The following ABCA13 variants were observed in gnomAD, a reference collection of about 807,000 sequenced individuals.
The protein encoded by ABCA13 is ATP-binding cassette sub-family A member 13.
A neutral mutation model predicts 478.7 loss-of-function variants in ABCA13; 476 were observed. The observed-to-expected ratio is 0.99, with a 90% CI of 0.92 to 1.07. The LOEUF is 1.07. Ranked by LOEUF, ABCA13 falls within the 50% of genes least tolerant of loss-of-function variation. The pLI is 0.00. For synonymous variants in ABCA13, 2,252 were observed against 2,158.9 expected (o/e 1.04, Z -1.20); for missense variants, 6,060 against 5,910.6 (o/e 1.03, Z -0.83).
chr7:48,590,151 A>G (rs1027954221), intron 57 of ABCA13, among the ~76,000 whole-genome samples: 3 of 151,990 alleles, frequency 2.0e-5, no homozygotes, highest in African/African-American at 7.3e-5. Context: ...TTTCACTAAG[A>G]AGTAGTGTTT....
At chr7:48,615,471 T>TACTTGCC in intron 59 of ABCA13, 94 bp downstream of exon 59, 1 of 1,105,550 alleles carries the variant, frequency 9.0e-7, no homozygotes, top group Non-Finnish European at 1.3e-6. Flanking sequence ...GGCAAGTATG[T>TACTTGCC]TCCAATTACC....
chr7:48,263,701 G>A (rs529034980), intron 15 of ABCA13, among the ~76,000 whole-genome samples: 1 of 151,292 alleles, frequency 6.6e-6, no homozygotes, highest in South Asian at 2.1e-4. Context: ...AATTTGATAT[G>A]GAAGATTTTA....
rs759152159 is a variant in ABCA13 at position 48,403,874 on chromosome 7, G to A, written c.12065G>A (p.Arg4022Gln). Residue 4022 changes from arginine (R) to glutamine (Q), a missense_variant, in exon 39 of 62, where the codon CGA (arginine) becomes CAA (glutamine). Coordinates refer to ENST00000435803, the MANE Select transcript of ABCA13 (RefSeq NM_152701.5). ...HSLWDILLKY[R>Q]EGRTIIFTTH... ...CTGTGGGACATTCTGCTCAAGTACC[G>A]AGAAGGTAGGCACTGGGCCTCATTC... 7.4e-6 allele frequency: 12 copies of A among 1,612,548 alleles called. No individual in the cohort carries two copies. The South Asian group carries it at 9.9e-5, about 13-fold the overall frequency.
intron 1 of ABCA13, among the ~76,000 whole-genome samples, chr7:48,183,271 A>G (rs1380861445): frequency 6.6e-6 from 1 of 152,196 alleles, no homozygotes. Flanking sequence ...CACATACCGC[A>G]TGAGTCACTT....
At chr7:48,419,777 G>A (rs903400623) in intron 41 of ABCA13, among the ~76,000 whole-genome samples, 1 of 152,110 alleles carries the variant, frequency 6.6e-6, no homozygotes, top group African/African-American at 2.4e-5. Context: ...TAGATTTTAC[G>A]TATCTCTCTT....
chr7:48,561,286 T>G (rs1346430187), intron 55 of ABCA13, among the ~76,000 whole-genome samples: 1 of 152,088 alleles, frequency 6.6e-6, no homozygotes, highest in Admixed American at 6.6e-5. Flanking sequence ...GGTCAAATAA[T>G]ATTATATTTT....
intron 16 of ABCA13, among the ~76,000 whole-genome samples, chr7:48,271,042 C>A (rs1478787698): frequency 1.3e-5 from 2 of 152,200 alleles, no homozygotes; most frequent in Non-Finnish European, 2.9e-5. Context: ...GCTGTCCCAG[C>A]CCTCACTGAG....
At chr7:48,341,881 T>TATATATATCTATCTTTCTG (rs1807259995) in intron 29 of ABCA13, among the ~76,000 whole-genome samples, 2 of 27,670 alleles carry the variant, frequency 7.2e-5, no homozygotes, top group African/African-American at 2.2e-4. Context: ...ATCTTTCTGA[T>TATATATATCTATCTTTCTG]ATATATATAT....
chr7:48,471,583 A>G lies in ABCA13; in HGVS notation c.12959A>G (p.Asp4320Gly), dbSNP rs1827501497. The change falls in exon 45 of 62, where the codon GAT becomes GGT. Residue 4320 changes from aspartate (D) to glycine (G), a missense_variant. This residue lies in a region of ABCA13 where 1,627 missense variants were observed against 1,571.0 expected (regional missense o/e 1.04). Coordinates refer to ENST00000435803, the MANE Select transcript of ABCA13 (RefSeq NM_152701.5). ...TDPFSHPEFQ[D>G]SCGCLKCPNR... ...CCCTTTTCTCACCCAGAATTCCAGGATTCATGTGGCTGCCTGGTAGGTTTC... is the reference window on the plus strand; with the variant it reads ...CCCTTTTCTCACCCAGAATTCCAGGGTTCATGTGGCTGCCTGGTAGGTTTC... 6.4e-7 allele frequency: 1 copy of G among 1,564,110 alleles called. No homozygotes were observed. Among genetic ancestry groups the G allele is most frequent in the East Asian group, 2.3e-5 (1 of 43,002 alleles).
chr7:48,303,153 T>A (rs1435880348), intron 23 of ABCA13, among the ~76,000 whole-genome samples: 1 of 152,194 alleles, frequency 6.6e-6, no homozygotes, highest in Non-Finnish European at 1.5e-5. Context: ...AAAGTGTCTG[T>A]TCATGTCCTT....
chr7:48,397,117 C>A (rs1816941933), intron 38 of ABCA13, among the ~76,000 whole-genome samples: 1 of 152,144 alleles, frequency 6.6e-6, no homozygotes, highest in Non-Finnish European at 1.5e-5. Context: ...TTGAGCCCTG[C>A]TGGGAGTTTG....
intron 31 of ABCA13, among the ~76,000 whole-genome samples, chr7:48,355,698 G>C (rs1451738584): frequency 1.3e-5 from 2 of 151,986 alleles, no homozygotes; most frequent in Non-Finnish European, 2.9e-5. Context: ...GTTGCATTCA[G>C]GAAGTAGAGG....
At chr7:48,247,976 G>A (rs1791954123) in intron 13 of ABCA13, among the ~76,000 whole-genome samples, 1 of 152,204 alleles carries the variant, frequency 6.6e-6, no homozygotes, top group Non-Finnish European at 1.5e-5. Flanking sequence ...GTTGCAACTA[G>A]CTAACACAGA....
In ABCA13 at chr7:48,209,454, T is replaced by C. The variant is rs1034193550; in HGVS notation, c.288-9900T>C. Reference sequence around the variant, plus strand: ...GAGTAGGATTAGTATTAATTCTTGTTTAAATGGTAAAATTCAGCAGTGAAG... The same window carrying C: ...GAGTAGGATTAGTATTAATTCTTGTCTAAATGGTAAAATTCAGCAGTGAAG... On this transcript the variant is annotated intron_variant, in intron 3 of 61. Transcript: ENST00000435803. Among the ~76,000 whole-genome samples, 64 of 152,152 alleles carry C rather than the reference T, an allele frequency of 4.2e-4. 2 individuals carry two copies. Among genetic ancestry groups the C allele is most frequent in the Non-Finnish European group, 5.9e-5 (4 of 68,018 alleles).
intron 35 of ABCA13, among the ~76,000 whole-genome samples, chr7:48,377,513 T>C (rs1813690928): frequency 6.6e-6 from 1 of 152,180 alleles, no homozygotes. Context: ...GTTCATTCTG[T>C]TTGTGAAAAC....
chr7:48,349,704 C>G (rs1046841934), intron 29 of ABCA13, among the ~76,000 whole-genome samples: 1 of 152,160 alleles, frequency 6.6e-6, no homozygotes, highest in Admixed American at 6.5e-5. Context: ...TCAGTGGGTA[C>G]TGATGCTGCC....
chr7:48,527,060 G>T (rs548902082), intron 54 of ABCA13, among the ~76,000 whole-genome samples: 1 of 152,146 alleles, frequency 6.6e-6, no homozygotes, highest in African/African-American at 2.4e-5. Context: ...AGTCCAGAGA[G>T]GGTGGCTGTG....
chr7:48,282,881 A>C (rs1797239578), intron 19 of ABCA13, among the ~76,000 whole-genome samples: 1 of 152,162 alleles, frequency 6.6e-6, no homozygotes, highest in Non-Finnish European at 1.5e-5. Flanking sequence ...ATTGATCACT[A>C]CAAACCTGGC....
chr7:48,620,741 G>A (rs1793056882), intron 59 of ABCA13, among the ~76,000 whole-genome samples: 1 of 152,164 alleles, frequency 6.6e-6, no homozygotes, highest in East Asian at 1.9e-4. Flanking sequence ...GATCTGAAAC[G>A]TGTCCTGCTC....
Sources: gnomAD v4.1 joint callset for allele counts (sites outside exome capture counted in the v4.1 genomes callset) on GRCh38, gnomAD v4.1.1 for gene constraint, gnomAD v4.1.1 regional missense constraint, MANE v1.5 for transcripts, NCBI Gene and HGNC (gene_info 2026-07-23, HGNC 2026-07-21) for gene names.